COL4A3: variants seen among roughly 807,000 people sequenced by gnomAD.
COL4A3 encodes collagen type IV alpha 3 chain, also known as collagen alpha-3(IV) chain.
COL4A3 carries 135 observed loss-of-function variants against 217.4 expected under a neutral mutation model. The ratio of observed to expected loss-of-function variants is 0.62; its 90% CI spans 0.54 to 0.72. COL4A3 has a LOEUF of 0.72. COL4A3 is among the 30% of genes least tolerant of loss of function. COL4A3 has a pLI of 0.00. For missense variants in COL4A3, 1,868 were observed against 2,119.9 expected, an observed-to-expected ratio of 0.88 and a Z score of 2.33; for synonymous variants, 690 against 736.3, an observed-to-expected ratio of 0.94 and a Z score of 1.02.
rs550758462 is a variant in COL4A3 at position 227,263,711 on chromosome 2, C to A, written c.1151-69C>A. 16 of 1,421,692 alleles carry A rather than the reference C, an allele frequency of 1.1e-5. No homozygotes were observed. In the South Asian group the frequency reaches 1.1e-4, roughly 10 times the overall value. 88.1% of individuals were successfully genotyped at this position (1,421,692 alleles called of 1,614,324 possible). On this transcript the variant is annotated intron_variant, in intron 20 of 51. Coordinates refer to ENST00000396578, the MANE Select transcript of COL4A3 (RefSeq NM_000091.5). The stretch of plus-strand genomic sequence containing the variant: ...TATAAATAAAATTAAATCACTCTTG[C>A]AATTAAAAAATAAATTCGTATTAAT...
intron 7 of COL4A3, among the ~76,000 whole-genome samples, chr2:227,247,114 T>A (rs2069396655): frequency 1.3e-5 from 2 of 152,154 alleles, no homozygotes. Flanking sequence ...GGAGCAGCCC[T>A]GGTGGGAGAA....
intron 7 of COL4A3, 67 bp from the exon 8 acceptor site, chr2:227,247,490 GA>G: frequency 6.8e-7 from 1 of 1,461,128 alleles, no homozygotes; most frequent in South Asian, 1.1e-5. Context: ...AGAGAGGGCA[GA>G]GCAGACCGAG....
chr2:227,263,811 T>C lies in COL4A3; in HGVS notation c.1182T>C (p.Pro394=). 1 of 1,614,080 alleles carries C rather than the reference T, an allele frequency of 6.2e-7. No homozygotes were observed. Among genetic ancestry groups the C allele is most frequent in the Non-Finnish European group, 8.5e-7 (1 of 1,179,948 alleles). ...GSSRPGLRGA[P]GWPGLKGSKG... ...CAAGGCCTGGCCTCAGAGGAGCCCC[T>C]GGATGGCCAGGCCTGAAAGGAAGTA... is the stretch of plus-strand genomic sequence containing the variant. Residue 394 remains proline (P), a synonymous_variant, in exon 21 of 52, where the codon CCT becomes CCC. Transcript: ENST00000396578.
At chr2:227,166,492 G>A (rs76709494) in intron 1 of COL4A3, among the ~76,000 whole-genome samples, 67 of 152,338 alleles carry the variant, frequency 4.4e-4, no homozygotes, top group African/African-American at 1.6e-3. Context: ...GTACTTATGT[G>A]AGGATCAGCC....
intron 1 of COL4A3, among the ~76,000 whole-genome samples, chr2:227,212,559 G>A (rs959487592): frequency 1.3e-5 from 2 of 152,124 alleles, no homozygotes; most frequent in Non-Finnish European, 2.9e-5. Flanking sequence ...CATATATGAG[G>A]TTTCTACATA....
intron 1 of COL4A3, among the ~76,000 whole-genome samples, chr2:227,169,060 T>G (rs1382012272): frequency 1.6e-5 from 2 of 121,766 alleles, no homozygotes; most frequent in Non-Finnish European, 3.3e-5. Context: ...CCCACAACAG[T>G]CCCCAGAGTG....
chr2:227,255,353 C>A (rs1157227047), intron 15 of COL4A3, among the ~76,000 whole-genome samples: 9 of 152,062 alleles, frequency 5.9e-5, no homozygotes, highest in Non-Finnish European at 1.3e-4. Context: ...CCCCCACTAC[C>A]CCACCCAGAT....
chr2:227,192,556 C>G (rs1029279740), intron 1 of COL4A3, among the ~76,000 whole-genome samples: 1 of 152,200 alleles, frequency 6.6e-6, no homozygotes, highest in African/African-American at 2.4e-5. Flanking sequence ...AGTCTTCAAA[C>G]CCCACCACAA....
intron 1 of COL4A3, among the ~76,000 whole-genome samples, chr2:227,179,989 G>A (rs1416741140): frequency 6.6e-6 from 1 of 152,140 alleles, no homozygotes; most frequent in African/African-American, 2.4e-5. Context: ...GATTTCAGTG[G>A]CTTGAAAACA....
At chr2:227,202,744 AAAATATAT>A (rs1265415217) in intron 1 of COL4A3, among the ~76,000 whole-genome samples, 1,464 of 66,816 alleles carry the variant, frequency 0.022, 103 homozygotes, top group Middle Eastern at 0.07. Flanking sequence ...CTAAAAAAAA[AAAATATAT>A]ATATATATAT....
In COL4A3 at chr2:227,310,759, T is replaced by G. The variant is rs758322084; in HGVS notation, c.4756-17T>G. The stretch of plus-strand genomic sequence containing the variant: ...CAATGGACAGAGTGTTTATTCAGAT[T>G]TTTAAAATTGTGGTAGTTCACAAGT... On this transcript the variant is annotated splice_polypyrimidine_tract_variant and intron_variant, in intron 50 of 51. Transcript: ENST00000396578. 2.5e-6 allele frequency: 4 copies of G among 1,612,752 alleles called. No individual in the cohort carries two copies. The highest frequency in any genetic ancestry group is 1.3e-5 in the African/African-American group (1 of 74,854).
intron 1 of COL4A3, among the ~76,000 whole-genome samples, chr2:227,204,135 C>G (rs1278163000): frequency 1.3e-5 from 2 of 152,098 alleles, no homozygotes; most frequent in Non-Finnish European, 2.9e-5. Flanking sequence ...CTGGATTCAA[C>G]TCCAAGAATC....
chr2:227,253,352 A>G lies in COL4A3; in HGVS notation c.687+15A>G, dbSNP rs764010765. 1 of 1,612,334 alleles carries G rather than the reference A, an allele frequency of 6.2e-7. No homozygotes were observed. Among genetic ancestry groups the G allele is most frequent in the Admixed American group, 1.7e-5 (1 of 60,018 alleles). ...AAGGAGAGCGGGTAATTTAAATACT[A>G]TGTTTTATTAGCAGGCGAGATATTT... On this transcript the variant is annotated intron_variant, in intron 12 of 51. Transcript: ENST00000396578. The surrounding 1 kb of genome is among the most constrained non-coding windows in gnomAD (Gnocchi z 4.4).
At chr2:227,192,975 C>A (rs761430018) in intron 1 of COL4A3, among the ~76,000 whole-genome samples, 3 of 152,068 alleles carry the variant, frequency 2.0e-5, no homozygotes, top group Non-Finnish European at 4.4e-5. Flanking sequence ...TAAAATCACT[C>A]TATCAAATCA....
At position 227,290,058 on chromosome 2, in the gene COL4A3, C is replaced by G. The variant is rs773321281; in HGVS notation, c.3040C>G (p.Pro1014Ala). ...TGGAGAACCAGGACTGCGTGGTATA[C>G]CAGGAAGCATGGGGAACATGGGCAT... is the stretch of plus-strand genomic sequence containing the variant. The part of the protein sequence containing the change: ...NPGEPGLRGI[P>A]GSMGNMGMPG... The change falls in exon 36 of 52, where the codon CCA (proline) becomes GCA (alanine). Residue 1014 changes from proline (P) to alanine (A), a missense_variant. This residue lies in a region of COL4A3 where 1,503 missense variants were observed against 1,786.1 expected (regional missense o/e 0.84). Transcript: ENST00000396578. The G allele has an allele frequency of 4.3e-6, 7 of 1,614,020 alleles. No individual in the cohort carries two copies. The Admixed American group carries it at 6.7e-5, about 15-fold the overall frequency.
intron 1 of COL4A3, among the ~76,000 whole-genome samples, chr2:227,230,884 A>G (rs1462291221): frequency 6.6e-6 from 1 of 152,232 alleles, no homozygotes; most frequent in Non-Finnish European, 1.5e-5. Context: ...AACAGCAGCC[A>G]GAGAGCAGCC....
chr2:227,281,002 A>T lies in COL4A3; in HGVS notation c.2484A>T (p.Gln828His). ...GLPGLNGLKG[Q>H]QGRRGKTGPK... ...CAGGCTTAAATGGATTGAAAGGGCA[A>T]CAAGGTAGGAGGAGGGCCTCAAAAC... Residue 828 changes from glutamine (Q) to histidine (H), a missense_variant, in exon 31 of 52, where the codon CAA becomes CAT. Coordinates refer to ENST00000396578, the MANE Select transcript of COL4A3 (RefSeq NM_000091.5). The T allele has an allele frequency of 6.4e-7, 1 of 1,556,064 alleles. No individual in the cohort carries two copies. Among genetic ancestry groups the T allele is most frequent in the East Asian group, 2.4e-5 (1 of 41,400 alleles).
intron 1 of COL4A3, among the ~76,000 whole-genome samples, chr2:227,214,990 G>A (rs1199980078): frequency 6.6e-6 from 1 of 152,184 alleles, no homozygotes; most frequent in African/African-American, 2.4e-5. Flanking sequence ...ATTCTTGAAT[G>A]TCTGAAACGT....
intron 15 of COL4A3, among the ~76,000 whole-genome samples, chr2:227,255,715 T>TG (rs1559871826): frequency 1.5e-3 from 222 of 151,074 alleles, no homozygotes; most frequent in African/African-American, 5.1e-3. Context: ...GTGTGTGTGT[T>TG]TTTTTTTTCC....
Sources: gnomAD v4.1 joint callset for allele counts (sites outside exome capture counted in the v4.1 genomes callset) on GRCh38, gnomAD v4.1.1 for gene constraint, gnomAD v4.1.1 regional missense constraint, Gnocchi (gnomAD v3.1) non-coding constraint, MANE v1.5 for transcripts, NCBI Gene and HGNC (gene_info 2026-07-23, HGNC 2026-07-21) for gene names.